FZD6: variants seen among roughly 807,000 people sequenced by gnomAD.
The protein encoded by FZD6 is frizzled-6.
FZD6 carries 49 observed loss-of-function variants against 61.4 expected under a neutral mutation model. That is an observed-to-expected ratio of 0.80 (90% CI 0.63 to 1.01). The LOEUF (loss-of-function observed/expected upper bound fraction) is 1.01. Ranked by LOEUF, FZD6 falls within the 50% of genes least tolerant of loss-of-function variation. The pLI is 0.00. For missense variants in FZD6, 724 were observed against 848.2 expected (o/e 0.85, Z 1.82); for synonymous variants, 265 against 292.2 (o/e 0.91, Z 0.95).
chr8:103,313,961 T>C (rs1814565361), intron 2 of FZD6, among the ~76,000 whole-genome samples: 1 of 152,002 alleles, frequency 6.6e-6, no homozygotes, highest in Admixed American at 6.6e-5. Flanking sequence ...TCTGCTGGAG[T>C]TGAGTAGCAG....
chr8:103,303,925 GT>G (rs5893647), intron 2 of FZD6, among the ~76,000 whole-genome samples: 214 of 149,078 alleles, frequency 1.4e-3, no homozygotes, highest in Middle Eastern at 6.8e-3. Flanking sequence ...ATATGAGTCA[GT>G]TTTTTTTTTT....
chr8:103,322,798 T>C (rs924682685), intron 3 of FZD6, among the ~76,000 whole-genome samples: 2 of 152,218 alleles, frequency 1.3e-5, no homozygotes, highest in African/African-American at 2.4e-5. Flanking sequence ...TATAGTAAAA[T>C]GGCAGATGCT....
At chr8:103,312,347 A>G (rs1814518238) in intron 2 of FZD6, among the ~76,000 whole-genome samples, 1 of 152,248 alleles carries the variant, frequency 6.6e-6, no homozygotes. Flanking sequence ...GGAGGAGTTT[A>G]TAAGTGAGAT....
At chr8:103,318,565 A>G (rs1218203596) in intron 2 of FZD6, 25 bp from the exon 3 acceptor site, 2 of 1,327,474 alleles carry the variant, frequency 1.5e-6, no homozygotes, top group Non-Finnish European at 2.2e-6. Context: ...AATGTTTTCT[A>G]ACTGTATCTT....
chr8:103,298,817 G>T, upstream of FZD6: 1 of 161,038 alleles, frequency 6.2e-6, no homozygotes, highest in East Asian at 1.8e-4. Flanking sequence ...CCGCGAGCCC[G>T]GACCTGCCCG....
chr8:103,327,933 G>T (rs1191877069), intron 4 of FZD6, among the ~76,000 whole-genome samples: 2 of 152,026 alleles, frequency 1.3e-5, no homozygotes, highest in Non-Finnish European at 2.9e-5. Flanking sequence ...GGGGAAAATA[G>T]GTACATATTT....
intron 3 of FZD6, among the ~76,000 whole-genome samples, chr8:103,319,602 T>G (rs190611275): frequency 6.6e-6 from 1 of 152,290 alleles, no homozygotes; most frequent in East Asian, 1.9e-4. Context: ...GGTAGAGAAC[T>G]CACGCCTTTT....
At chr8:103,330,657 C>T (rs186363098) in intron 6 of FZD6, among the ~76,000 whole-genome samples, 1 of 152,284 alleles carries the variant, frequency 6.6e-6, no homozygotes, top group Non-Finnish European at 1.5e-5. Context: ...CATGCTTTAT[C>T]TTCTCGTAGA....
chr8:103,320,590 G>A (rs1814757490), intron 3 of FZD6, among the ~76,000 whole-genome samples: 1 of 110,030 alleles, frequency 9.1e-6, no homozygotes, highest in East Asian at 2.3e-4. Context: ...ATCCCAATGA[G>A]GTTTTTTTTT....
In FZD6 at chr8:103,332,110, T is replaced by G. The variant is rs1350927706; in HGVS notation, c.*601T>G. 6.5e-6 allele frequency: 1 copy of G among 152,928 alleles called. No homozygotes were observed. The highest frequency in any genetic ancestry group is 2.4e-5 in the African/African-American group (1 of 41,472). The allele number at this position is 152,928 out of a possible 1,614,324, so 9.5% of individuals were successfully genotyped here. A position where few individuals can be genotyped will look rare whatever the true frequency, so the allele number is the denominator to read the frequency against. On this transcript the variant is annotated 3_prime_UTR_variant, in exon 7 of 7. Transcript: ENST00000358755. ...AATTTAACTTTAAAAACCCACTTAT[T>G]GATACCTTACCATCTAAAATGTGTG...
chr8:103,313,891 T>C (rs1250725769), intron 2 of FZD6, among the ~76,000 whole-genome samples: 3 of 152,176 alleles, frequency 2.0e-5, no homozygotes, highest in Admixed American at 2.0e-4. Flanking sequence ...ATCTAGGTTC[T>C]GTTTTCTTAG....
chr8:103,329,777 C>G lies in FZD6; in HGVS notation c.1664C>G (p.Ser555Cys), dbSNP rs756540473. 1.2e-6 allele frequency: 2 copies of G among 1,614,064 alleles called. No homozygotes were observed. Among genetic ancestry groups the G allele is most frequent in the Admixed American group, 1.7e-5 (1 of 60,026 alleles). ...AGTTCACACAAGCTGAAGGTCATTT[C>G]CAAATCCATGGGAACCAGCACAGGA... ...KPSSHKLKVI[S>C]KSMGTSTGAT... Residue 555 changes from serine (S) to cysteine (C), a missense_variant, in exon 6 of 7, where the codon TCC (serine) becomes TGC (cysteine). By Grantham distance (112) the Ser-to-Cys change is moderately radical (BLOSUM62 -1). Transcript: ENST00000358755.
chr8:103,315,530 C>T (rs1299837911), intron 2 of FZD6, among the ~76,000 whole-genome samples: 1 of 152,150 alleles, frequency 6.6e-6, no homozygotes, highest in Non-Finnish European at 1.5e-5. Context: ...CTATATGATT[C>T]CACTTACGTA....
At chr8:103,302,587 G>A (rs1035376543) in intron 2 of FZD6, among the ~76,000 whole-genome samples, 1 of 152,092 alleles carries the variant, frequency 6.6e-6, no homozygotes, top group African/African-American at 2.4e-5. Flanking sequence ...GGACCATAAT[G>A]TCATCTTTAA....
intron 2 of FZD6, among the ~76,000 whole-genome samples, chr8:103,303,495 G>A (rs1431225566): frequency 6.6e-6 from 1 of 152,072 alleles, no homozygotes; most frequent in African/African-American, 2.4e-5. Context: ...TAGATTGAGA[G>A]TTTGTTGAAG....
At chr8:103,315,259 G>A (rs1464342273) in intron 2 of FZD6, among the ~76,000 whole-genome samples, 2 of 152,014 alleles carry the variant, frequency 1.3e-5, no homozygotes, top group African/African-American at 2.4e-5. Flanking sequence ...TTATACTGAT[G>A]ACTTGTAAAT....
intron 5 of FZD6, 69 bp downstream of exon 5, chr8:103,328,485 A>C (rs1268686958): frequency 8.3e-7 from 1 of 1,199,916 alleles, no homozygotes; most frequent in Non-Finnish European, 1.2e-6. Flanking sequence ...GAACTGTTCA[A>C]ATCAATGTAC....
intron 2 of FZD6, among the ~76,000 whole-genome samples, chr8:103,310,531 CTGAGATTACAGGTG>C: frequency 6.6e-6 from 1 of 152,248 alleles, no homozygotes; most frequent in Non-Finnish European, 1.5e-5. Flanking sequence ...TCCCAAAGTG[CTGAGATTACAGGTG>C]TGAGCCACCA....
chr8:103,304,644 G>A (rs771988453), intron 2 of FZD6, among the ~76,000 whole-genome samples: 1 of 152,210 alleles, frequency 6.6e-6, no homozygotes, highest in Non-Finnish European at 1.5e-5. Context: ...CAACAAATGA[G>A]TGTGGCTGTG....
Sources: allele counts gnomAD v4.1 joint callset (sites outside exome capture counted in the v4.1 genomes callset), GRCh38; gene constraint gnomAD v4.1.1; transcripts MANE v1.5; gene names NCBI Gene and HGNC (gene_info 2026-07-23, HGNC 2026-07-21).